BCL11B: variants seen among roughly 807,000 people sequenced by gnomAD.
BCL11B encodes B-cell lymphoma/leukemia 11B.
BCL11B carries 8 observed loss-of-function variants against 49.9 expected under a neutral mutation model. The observed-to-expected ratio is 0.16, with a 90% CI of 0.09 to 0.29. BCL11B has a LOEUF of 0.29. Ranked by LOEUF, BCL11B falls within the 10% of genes least tolerant of loss-of-function variation. The probability of loss-of-function intolerance (pLI) is 1.00; values close to 1 mark genes in which losing one functional copy is unlikely to be tolerated. For synonymous variants in BCL11B, 739 were observed against 637.4 expected (o/e 1.16, Z -2.40); for missense variants, 1,006 against 1,351.0 (o/e 0.74, Z 4.00).
chr14:99,194,856 C>T lies in BCL11B; in HGVS notation c.641-18661G>A, dbSNP rs1382915637. On this transcript the variant is annotated intron_variant, in intron 3 of 3. Coordinates refer to ENST00000357195, the MANE Select transcript of BCL11B (RefSeq NM_138576.4). The surrounding 1 kb of genome is among the most constrained non-coding windows in gnomAD (Gnocchi z 4.6). ...GGCACCCGACCAGTAGGACCTTGGT[C>T]AGTCCTTACCACGATCCCATCTTAC... 2.6e-5 allele frequency among the ~76,000 whole-genome samples: 4 copies of T among 152,150 alleles called. No individual in the cohort carries two copies. Among genetic ancestry groups the T allele is most frequent in the Non-Finnish European group, 1.5e-5 (1 of 68,022 alleles).
chr14:99,174,723 C>A lies in BCL11B; in HGVS notation c.2113G>T (p.Glu705Ter). The A allele has an allele frequency of 6.4e-7, 1 of 1,556,182 alleles. No homozygotes were observed. The highest frequency in any genetic ancestry group is 1.2e-5 in the South Asian group (1 of 86,048). ...ELPPAALIPSENVYSQWLVGY... is the reference protein window; with the variant it reads ...ELPPAALIPS ...ACCAGCCACTGCGAGTACACGTTCT[C>A]GGACGGGATGAGCGCGGCGGGCGGC... The change falls in exon 4 of 4, where the codon GAG (glutamate) becomes TAG (stop). Residue 705 changes from glutamate (E) to a stop codon, truncating the protein, a stop_gained. Transcript: ENST00000357195. LOFTEE classifies it high-confidence loss of function.
Position 99,242,997 on chromosome 14 carries a change from C to T in BCL11B, c.428-11440G>A, listed in dbSNP as rs1366363896. Among the ~76,000 whole-genome samples the T allele has an allele frequency of 6.6e-6, 1 of 152,224 alleles. No homozygotes were observed. Among genetic ancestry groups the T allele is most frequent in the African/African-American group, 2.4e-5 (1 of 41,458 alleles). On this transcript the variant is annotated intron_variant, in intron 2 of 3. Transcript: ENST00000357195. This position sits in a 1 kb window ranked among gnomAD's most constrained non-coding sequence, Gnocchi z 4.4. ...CCTTCCTCACCGGCACCTAGCAAGC[C>T]TGTGCATTTAAAGACTGCTTGCTGT...
chr14:99,186,769 C>T (rs4603494), intron 3 of BCL11B, among the ~76,000 whole-genome samples: 1,949 of 152,276 alleles, frequency 0.013, 50 homozygotes, highest in African/African-American at 0.044. Context: ...ACACTCAAGG[C>T]CTACTCAAGT....
chr14:99,219,554 T>C (rs1887950398), intron 3 of BCL11B, among the ~76,000 whole-genome samples: 2 of 151,978 alleles, frequency 1.3e-5, no homozygotes, highest in Non-Finnish European at 2.9e-5. Context: ...GTGTGATGAT[T>C]CCCATCAGGC....
Position 99,232,357 on chromosome 14 carries a change from T to A in BCL11B, c.428-800A>T, listed in dbSNP as rs1287242146. On this transcript the variant is annotated intron_variant, in intron 2 of 3. Coordinates refer to ENST00000357195, the MANE Select transcript of BCL11B (RefSeq NM_138576.4). This position sits in a 1 kb window ranked among gnomAD's most constrained non-coding sequence, Gnocchi z 5.1. Reference sequence around the variant, plus strand: ...TCCACAGCAAGGCCTGCATTTGATTTAGCCGTTTATCTTAAATGGCTAAGA... The same window carrying A: ...TCCACAGCAAGGCCTGCATTTGATTAAGCCGTTTATCTTAAATGGCTAAGA... 1.3e-5 allele frequency among the ~76,000 whole-genome samples: 2 copies of A among 152,268 alleles called. No homozygotes were observed. The highest frequency in any genetic ancestry group is 3.8e-4 in the East Asian group (2 of 5,200).
intron 2 of BCL11B, among the ~76,000 whole-genome samples, chr14:99,233,851 C>CT (rs1888409529): frequency 1.3e-5 from 2 of 152,168 alleles, no homozygotes; most frequent in Admixed American, 1.3e-4. Flanking sequence ...TGAAGTCCAC[C>CT]TGCTCCAGGG....
chr14:99,176,087 A>C lies in BCL11B; in HGVS notation c.749T>G (p.Leu250Arg). Residue 250 changes from leucine to arginine, a missense_variant, in exon 4 of 4, where the codon CTG (leucine) becomes CGG (arginine). By Grantham distance (102) the Leu-to-Arg change is moderately radical. Coordinates refer to ENST00000357195, the MANE Select transcript of BCL11B (RefSeq NM_138576.4). ...CGAGCTGCTGGCCGGCCCGGGCTCC[A>C]GGTAGATGCGGAAGCCGTGCGTGTT... is the stretch of plus-strand genomic sequence containing the variant. The part of the protein sequence containing the change: ...AQNTHGFRIY[L>R]EPGPASSSLT... 6.2e-7 allele frequency: 1 copy of C among 1,607,774 alleles called. No homozygotes were observed. Among genetic ancestry groups the C allele is most frequent in the Non-Finnish European group, 8.5e-7 (1 of 1,177,120 alleles).
chr14:99,229,777 G>GC (rs1317759999), intron 3 of BCL11B, among the ~76,000 whole-genome samples: 2 of 151,926 alleles, frequency 1.3e-5, no homozygotes, highest in Admixed American at 6.5e-5. Context: ...CGATAGCATG[G>GC]CCCCCCCAGT....
rs909234751 is a variant in BCL11B, at chr14:99,176,992, G to A, written c.641-797C>T. ...GGATTTTTAGCTATAGGAAATTCTC[G>A]TGTTTCCTACACCACCGTCTGTGCA... On this transcript the variant is annotated intron_variant, in intron 3 of 3. Coordinates refer to ENST00000357195, the MANE Select transcript of BCL11B (RefSeq NM_138576.4). 4.6e-5 allele frequency among the ~76,000 whole-genome samples: 7 copies of A among 151,718 alleles called. No homozygotes were observed. In the East Asian group the frequency reaches 1.2e-3, roughly 25 times the overall value.
chr14:99,207,772 C>T (rs192008414), intron 3 of BCL11B, among the ~76,000 whole-genome samples: 20 of 152,258 alleles, frequency 1.3e-4, no homozygotes, highest in Admixed American at 9.8e-4. Context: ...CTGGCCAGGC[C>T]AAAGGGCAGA....
rs1427808895 is a variant in BCL11B, at chr14:99,242,058, G to C, written c.428-10501C>G. Among the ~76,000 whole-genome samples, 1 of 152,182 alleles carries C rather than the reference G, an allele frequency of 6.6e-6. No homozygotes were observed. Among genetic ancestry groups the C allele is most frequent in the Non-Finnish European group, 1.5e-5 (1 of 68,030 alleles). The stretch of plus-strand genomic sequence containing the variant: ...TAGAAGGGGACAGGAAAAGGGGAGT[G>C]GGGAGGACATCAGGGAGAGGGAGCA... On this transcript the variant is annotated intron_variant, in intron 2 of 3. Coordinates refer to ENST00000357195, the MANE Select transcript of BCL11B (RefSeq NM_138576.4). The surrounding 1 kb of genome is among the most constrained non-coding windows in gnomAD (Gnocchi z 4.4).
chr14:99,268,401 G>T (rs1365888245), intron 1 of BCL11B, among the ~76,000 whole-genome samples: 1 of 152,010 alleles, frequency 6.6e-6, no homozygotes, highest in Non-Finnish European at 1.5e-5. Flanking sequence ...CTGCCCCACA[G>T]GCCCAGGAGC....
At chr14:99,240,757 T>C (rs1485348482) in intron 2 of BCL11B, among the ~76,000 whole-genome samples, 1 of 152,230 alleles carries the variant, frequency 6.6e-6, no homozygotes, top group Non-Finnish European at 1.5e-5. Context: ...ACAAAATGTG[T>C]AAAAATTAAC....
At chr14:99,225,769 G>C (rs923493279) in intron 3 of BCL11B, among the ~76,000 whole-genome samples, 3 of 152,232 alleles carry the variant, frequency 2.0e-5, no homozygotes, top group Non-Finnish European at 4.4e-5. Context: ...TCTGCCTTCA[G>C]AACGTCTGAA....
rs759209535 is a variant in BCL11B at position 99,174,334 on chromosome 14, C to A, written c.2502G>T (p.Ala834=). 4 of 1,613,436 alleles carry A rather than the reference C, an allele frequency of 2.5e-6. No homozygotes were observed. Among genetic ancestry groups the A allele is most frequent in the South Asian group, 1.1e-5 (1 of 91,080 alleles). The change falls in exon 4 of 4, where the codon GCG becomes GCT. Residue 834 remains alanine (A), a synonymous_variant. Coordinates refer to ENST00000357195, the MANE Select transcript of BCL11B (RefSeq NM_138576.4). ...YKCELCNYAC[A]QSSKLTRHMK... Reference sequence around the variant, plus strand: ...TGTGGCGCGTGAGCTTGCTGCTCTGCGCGCACGCGTAGTTGCACAGCTCGC... The same window carrying A: ...TGTGGCGCGTGAGCTTGCTGCTCTGAGCGCACGCGTAGTTGCACAGCTCGC...
At position 99,271,165 on chromosome 14, in the gene BCL11B, G is replaced by C; in HGVS notation, c.54C>G (p.Ile18Met). Residue 18 changes from isoleucine to methionine, a missense_variant, in exon 1 of 4, where the codon ATC becomes ATG. By Grantham distance (10) the Ile-to-Met change is conservative. This residue lies in a region of BCL11B where 411 missense variants were observed against 542.2 expected (regional missense o/e 0.76). Transcript: ENST00000357195. Reference sequence around the variant, plus strand: ...GCGCACTCCGCAGACACTTACGGGTGATGAGCTCCCTCTGGGACAAGTGCT... The same window carrying C: ...GCGCACTCCGCAGACACTTACGGGTCATGAGCTCCCTCTGGGACAAGTGCT... The part of the protein sequence containing the change: ...NPQHLSQREL[I>M]TPEADHVEAA... 6.4e-7 allele frequency: 1 copy of C among 1,554,954 alleles called. No homozygotes were observed. Among genetic ancestry groups the C allele is most frequent in the Non-Finnish European group, 8.6e-7 (1 of 1,156,270 alleles).
chr14:99,180,181 C>T (rs375766906), intron 3 of BCL11B, among the ~76,000 whole-genome samples: 1 of 152,124 alleles, frequency 6.6e-6, no homozygotes, highest in Non-Finnish European at 1.5e-5. Context: ...TTTATGCTAG[C>T]GGCCCAGACA....
rs75862675 is a variant in BCL11B at position 99,254,984 on chromosome 14, C to T, written c.427+2487G>A. ...ACAAAAATGCAACTACTGCAGTCCT[C>T]GGAATTCAATTAAGCTAAAATAATT... On this transcript the variant is annotated intron_variant, in intron 2 of 3. Coordinates refer to ENST00000357195, the MANE Select transcript of BCL11B (RefSeq NM_138576.4). Among the ~76,000 whole-genome samples, 739 of 152,232 alleles carry T rather than the reference C, an allele frequency of 4.9e-3. 8 individuals carry two copies. The highest frequency in any genetic ancestry group is 0.017 in the African/African-American group (704 of 41,532).
intron 2 of BCL11B, among the ~76,000 whole-genome samples, chr14:99,236,344 A>G (rs972997893): frequency 1.3e-5 from 2 of 152,140 alleles, no homozygotes; most frequent in African/African-American, 4.8e-5. Context: ...CGTGAGGGGG[A>G]AAAGAAATAA....
Sources: allele counts gnomAD v4.1 joint callset (sites outside exome capture counted in the v4.1 genomes callset), GRCh38; gene constraint gnomAD v4.1.1; regional missense constraint gnomAD v4.1.1; non-coding constraint Gnocchi (gnomAD v3.1); transcripts MANE v1.5; gene names NCBI Gene and HGNC (gene_info 2026-07-23, HGNC 2026-07-21).